PPP1R13B: variants seen among roughly 807,000 people sequenced by gnomAD.
PPP1R13B encodes the protein protein phosphatase 1 regulatory subunit 13B, also known as apoptosis-stimulating of p53 protein 1.
Under a neutral mutation model 119.8 loss-of-function variants are expected in PPP1R13B, and 44 were observed. That is an observed-to-expected ratio of 0.37 (90% confidence interval 0.29 to 0.47). The LOEUF is 0.47. Ranked by LOEUF, PPP1R13B falls within the 20% of genes least tolerant of loss-of-function variation. The pLI is 0.99. For synonymous variants in PPP1R13B, 542 were observed against 561.5 expected, an observed-to-expected ratio of 0.97 and a Z score of 0.49; for missense variants, 1,227 against 1,413.5, an observed-to-expected ratio of 0.87 and a Z score of 2.12.
At chr14:103,756,382 G>T (rs959274540) in intron 5 of PPP1R13B, among the ~76,000 whole-genome samples, 1 of 152,026 alleles carries the variant, frequency 6.6e-6, no homozygotes, top group African/African-American at 2.4e-5. Flanking sequence ...AAGCCACCAC[G>T]CCCGGCCAGT....
At chr14:103,775,931 T>C (rs1252226596) in intron 4 of PPP1R13B, among the ~76,000 whole-genome samples, 1 of 152,000 alleles carries the variant, frequency 6.6e-6, no homozygotes, top group African/African-American at 2.4e-5. Context: ...GATTATGATA[T>C]TGAAACCAAA....
chr14:103,748,792 G>C (rs1446822645), intron 8 of PPP1R13B, among the ~76,000 whole-genome samples: 1 of 152,218 alleles, frequency 6.6e-6, no homozygotes, highest in Non-Finnish European at 1.5e-5. Context: ...ACTACAGAGG[G>C]TGGTAAAGGG....
Position 103,757,541 on chromosome 14 carries a change from T to C in PPP1R13B, c.456+109A>G, listed in dbSNP as rs954919469. On this transcript the variant is annotated intron_variant, in intron 5 of 16. Coordinates refer to ENST00000202556, the MANE Select transcript of PPP1R13B (RefSeq NM_015316.3). ...GACTGCATTTAGCACTCCTATGGCATGGTCCTATTTTATAAGCGTTACCCA... is the reference window on the plus strand; with the variant it reads ...GACTGCATTTAGCACTCCTATGGCACGGTCCTATTTTATAAGCGTTACCCA... 1.1e-5 allele frequency: 10 copies of C among 927,514 alleles called. No homozygotes were observed. The African/African-American group carries it at 1.6e-4, about 15-fold the overall frequency. 57.5% of individuals were successfully genotyped at this position (927,514 alleles called of 1,614,324 possible).
upstream of PPP1R13B, chr14:103,848,523 G>C (rs2087128438): frequency 1.0e-6 from 1 of 981,680 alleles, no homozygotes; most frequent in Admixed American, 6.1e-5. Context: ...AGCAGACAGG[G>C]GGACTGAGGT....
chr14:103,746,448 G>C lies in PPP1R13B; in HGVS notation c.1075C>G (p.Pro359Ala), dbSNP rs1423488580. Residue 359 changes from proline to alanine, a missense_variant, in exon 9 of 17, where the codon CCT becomes GCT. By Grantham distance (27) the Pro-to-Ala change is conservative. Transcript: ENST00000202556. ...YIQVPSAGSFPVLGDPIKPQS... is the reference protein window; with the variant it reads ...YIQVPSAGSFAVLGDPIKPQS... ...GGCTTTATAGGGTCCCCCAGCACAGGAAAGCTTCCGGCACTGGGAACCTGG... is the reference window on the plus strand; with the variant it reads ...GGCTTTATAGGGTCCCCCAGCACAGCAAAGCTTCCGGCACTGGGAACCTGG... 1 of 1,614,156 alleles carries C rather than the reference G, an allele frequency of 6.2e-7. No homozygotes were observed. The highest frequency in any genetic ancestry group is 1.1e-5 in the South Asian group (1 of 91,084).
intron 5 of PPP1R13B, among the ~76,000 whole-genome samples, chr14:103,754,770 TTTC>T (rs1269410177): frequency 6.6e-6 from 1 of 151,446 alleles, no homozygotes; most frequent in Non-Finnish European, 1.5e-5. Context: ...GAGAGAGGGT[TTTC>T]TTTTTCTTCT....
intron 2 of PPP1R13B, among the ~76,000 whole-genome samples, chr14:103,787,678 A>T (rs2085505077): frequency 1.5e-5 from 2 of 137,764 alleles, no homozygotes; most frequent in South Asian, 2.4e-4. Flanking sequence ...TTTGAGACAG[A>T]GTCTCACTGT....
At chr14:103,785,063 C>T (rs2085426814) in intron 2 of PPP1R13B, 149 bp from the exon 3 acceptor site, 3 of 653,976 alleles carry the variant, frequency 4.6e-6, no homozygotes, top group Non-Finnish European at 6.7e-6. Context: ...TGAATTTCAA[C>T]ATTACTGAGT....
intron 4 of PPP1R13B, among the ~76,000 whole-genome samples, chr14:103,765,545 T>C (rs919002033): frequency 6.6e-6 from 1 of 152,184 alleles, no homozygotes; most frequent in Non-Finnish European, 1.5e-5. Context: ...GATTGAGCCA[T>C]CCTTGCCCTA....
chr14:103,735,882 G>A, intron 16 of PPP1R13B, 121 bp downstream of exon 16: 3 of 1,125,628 alleles, frequency 2.7e-6, no homozygotes, highest in South Asian at 1.5e-5. Context: ...CCCCTCTACA[G>A]AGGGGGCTGC....
At chr14:103,739,098 A>G in intron 12 of PPP1R13B, 75 bp from the exon 13 acceptor site, 2 of 1,542,578 alleles carry the variant, frequency 1.3e-6, no homozygotes, top group Non-Finnish European at 1.8e-6. Flanking sequence ...GCTGGGAAGG[A>G]GTGGTGGGAG....
At chr14:103,825,215 G>C (rs996222450) in intron 1 of PPP1R13B, among the ~76,000 whole-genome samples, 1 of 152,026 alleles carries the variant, frequency 6.6e-6, no homozygotes, top group Admixed American at 6.6e-5. Context: ...TCCACCAACT[G>C]GCCATTCCCC....
intron 1 of PPP1R13B, among the ~76,000 whole-genome samples, chr14:103,814,643 T>G (rs897593511): frequency 6.7e-6 from 1 of 150,290 alleles, no homozygotes; most frequent in Non-Finnish European, 1.5e-5. Flanking sequence ...CATCACTATT[T>G]AAAAAAAAAC....
At chr14:103,797,230 T>C (rs1443767138) in intron 2 of PPP1R13B, 141 bp downstream of exon 2, 1 of 718,800 alleles carries the variant, frequency 1.4e-6, no homozygotes, top group Non-Finnish European at 2.2e-6. Flanking sequence ...ATTTTCCATT[T>C]GATAAATACT....
chr14:103,840,938 A>G (rs924460506), intron 1 of PPP1R13B, among the ~76,000 whole-genome samples: 2 of 152,206 alleles, frequency 1.3e-5, no homozygotes, highest in African/African-American at 4.8e-5. Flanking sequence ...TACACATTCT[A>G]TGCATGTAAC....
At chr14:103,752,551 T>TTG (rs386382400) in intron 7 of PPP1R13B, among the ~76,000 whole-genome samples, 1 of 151,026 alleles carries the variant, frequency 6.6e-6, no homozygotes, top group Non-Finnish European at 1.5e-5. Flanking sequence ...TTTTTTTTTT[T>TTG]TGAGACAGAG....
chr14:103,784,771 A>C, intron 3 of PPP1R13B, 24 bp downstream of exon 3: 1 of 1,549,892 alleles, frequency 6.5e-7, no homozygotes, highest in Non-Finnish European at 8.8e-7. Context: ...AAATTAACAA[A>C]TGAGGAAGAA....
At chr14:103,815,821 T>C (rs984280597) in intron 1 of PPP1R13B, among the ~76,000 whole-genome samples, 2 of 151,450 alleles carry the variant, frequency 1.3e-5, no homozygotes, top group Non-Finnish European at 2.9e-5. Flanking sequence ...TGGTGGCTCA[T>C]GCCTGTAATC....
In PPP1R13B at chr14:103,834,168, C is replaced by A. The variant is rs141423276; in HGVS notation, c.9+13131G>T. On this transcript the variant is annotated intron_variant, in intron 1 of 16. Coordinates refer to ENST00000202556, the MANE Select transcript of PPP1R13B (RefSeq NM_015316.3). ...GGCGTGTGGATCACTTGAGGCCAGA[C>A]GTTCAAGACCAGCCTGACCAACATG... 3.6e-3 allele frequency among the ~76,000 whole-genome samples: 555 copies of A among 152,146 alleles called. 5 individuals are homozygous for A. Among genetic ancestry groups the A allele is most frequent in the African/African-American group, 0.013 (538 of 41,504 alleles).
Sources: gnomAD v4.1 joint callset for allele counts (sites outside exome capture counted in the v4.1 genomes callset) on GRCh38, gnomAD v4.1.1 for gene constraint, MANE v1.5 for transcripts, NCBI Gene and HGNC (gene_info 2026-07-23, HGNC 2026-07-21) for gene names.